Variants in GRK3 observed in about 807,000 individuals in gnomAD.
GRK3 encodes the protein G protein-coupled receptor kinase 3, also known as adrenergic, beta, receptor kinase 2.
GRK3 carries 54 observed loss-of-function variants against 95.7 expected under a neutral mutation model. The observed-to-expected ratio is 0.56, with a 90% confidence interval of 0.45 to 0.71. GRK3 has a LOEUF of 0.71. Ranked by LOEUF, GRK3 falls within the 30% of genes least tolerant of loss-of-function variation. The pLI is 0.00. For missense variants in GRK3, 649 were observed against 851.2 expected (o/e 0.76, Z 2.96); for synonymous variants, 281 against 290.8 (o/e 0.97, Z 0.34).
chr22:25,586,898 CTT>C (rs59502085), intron 1 of GRK3, among the ~76,000 whole-genome samples: 3 of 146,670 alleles, frequency 2.0e-5, no homozygotes, highest in African/African-American at 5.0e-5. Flanking sequence ...CCCTTGCAAT[CTT>C]TTTTTTTTTT....
intron 2 of GRK3, 53 bp downstream of exon 2, chr22:25,604,506 C>T (rs1275053734): frequency 1.6e-5 from 21 of 1,295,852 alleles, no homozygotes; most frequent in African/African-American, 2.9e-5. Context: ...TGAAATTGGG[C>T]GATACTATAG....
intron 6 of GRK3, among the ~76,000 whole-genome samples, chr22:25,670,879 T>TAAAAA (rs1385890004): frequency 2.9e-5 from 1 of 34,316 alleles, no homozygotes; most frequent in Non-Finnish European, 5.9e-5. Context: ...CTACTAAAAA[T>TAAAAA]ACAAAAAAAA....
intron 1 of GRK3, among the ~76,000 whole-genome samples, chr22:25,584,481 C>G (rs931192835): frequency 6.6e-6 from 1 of 152,202 alleles, no homozygotes; most frequent in African/African-American, 2.4e-5. Flanking sequence ...AGTAGCGATG[C>G]TGGCAGTTCA....
intron 1 of GRK3, among the ~76,000 whole-genome samples, chr22:25,583,814 T>C (rs1350551811): frequency 2.0e-5 from 3 of 152,232 alleles, no homozygotes; most frequent in Admixed American, 6.5e-5. Context: ...GTGGCAAAGA[T>C]TTGATTCTTC....
At chr22:25,575,731 A>C (rs1461301222) in intron 1 of GRK3, among the ~76,000 whole-genome samples, 1 of 152,202 alleles carries the variant, frequency 6.6e-6, no homozygotes, top group African/African-American at 2.4e-5. Flanking sequence ...AGCAGGTAGA[A>C]ATTTTAAAAA....
chr22:25,621,433 A>G (rs1228099620), intron 2 of GRK3, among the ~76,000 whole-genome samples: 1 of 152,210 alleles, frequency 6.6e-6, no homozygotes, highest in Non-Finnish European at 1.5e-5. Flanking sequence ...CTTTTTTTCA[A>G]GCTGCAGAAG....
chr22:25,706,914 C>T (rs1006933214), intron 15 of GRK3, among the ~76,000 whole-genome samples: 1 of 152,146 alleles, frequency 6.6e-6, no homozygotes, highest in African/African-American at 2.4e-5. Context: ...CTCCAAACTC[C>T]CGGCCCAAGT....
In GRK3 at chr22:25,727,096, AC is replaced by A. The variant is rs2085480926; in HGVS notation, c.*4649del. ...AAGAGTAACAGGCCTCTTCTGTTCT[AC>A]CCTGCTCACTTCCACGGTGAGTTAC... On this transcript the variant is annotated 3_prime_UTR_variant, in exon 21 of 21. Coordinates refer to ENST00000324198, the MANE Select transcript of GRK3 (RefSeq NM_005160.4). 6.6e-6 allele frequency: 1 copy of A among 152,096 alleles called. No homozygotes were observed. 9.4% of individuals were successfully genotyped at this position (152,096 alleles called of 1,614,324 possible).
At chr22:25,658,182 C>T (rs1400095132) in intron 3 of GRK3, among the ~76,000 whole-genome samples, 1 of 152,140 alleles carries the variant, frequency 6.6e-6, no homozygotes, top group African/African-American at 2.4e-5. Context: ...GATTGGTTTT[C>T]ATTGATGGTT....
At chr22:25,652,075 C>T (rs993325925) in intron 3 of GRK3, among the ~76,000 whole-genome samples, 1 of 151,972 alleles carries the variant, frequency 6.6e-6, no homozygotes, top group African/African-American at 2.4e-5. Flanking sequence ...CAAACAAAAA[C>T]TGAGGGATTT....
At chr22:25,636,374 A>G (rs1228972875) in intron 2 of GRK3, among the ~76,000 whole-genome samples, 2 of 152,202 alleles carry the variant, frequency 1.3e-5, no homozygotes, top group Non-Finnish European at 2.9e-5. Flanking sequence ...AGATACTCCC[A>G]TTCCAATTCA....
Position 25,704,069 on chromosome 22 carries a change from C to G in GRK3, c.1228-40C>G. The G allele has an allele frequency of 2.0e-6, 3 of 1,499,888 alleles. No individual in the cohort carries two copies. In the South Asian group the frequency reaches 3.4e-5, roughly 17 times the overall value. The allele number at this position is 1,499,888 out of a possible 1,614,324, so 92.9% of individuals were successfully genotyped here. ...CTGGTTGAGTGTTAGGATGCTGTTTCATGAACGGATTTTTGAAATCTTACT... is the reference window on the plus strand; with the variant it reads ...CTGGTTGAGTGTTAGGATGCTGTTTGATGAACGGATTTTTGAAATCTTACT... On this transcript the variant is annotated intron_variant, in intron 14 of 20. Coordinates refer to ENST00000324198, the MANE Select transcript of GRK3 (RefSeq NM_005160.4).
At position 25,649,281 on chromosome 22, in the gene GRK3, A is replaced by G. The variant is rs552137860; in HGVS notation, c.264+4616A>G. 1.6e-5 allele frequency: 15 copies of G among 914,640 alleles called. 1 individual carries two copies. Among genetic ancestry groups the G allele is most frequent in the African/African-American group, 1.5e-4 (9 of 61,228 alleles). 56.7% of individuals were successfully genotyped at this position (914,640 alleles called of 1,614,324 possible). On this transcript the variant is annotated intron_variant, in intron 3 of 20. Coordinates refer to ENST00000324198, the MANE Select transcript of GRK3 (RefSeq NM_005160.4). ...TGCTCACATCTGCCAAAATGTGAAG[A>G]ACCTGTATAGAATTTCTACAGGGAT...
In GRK3 at chr22:25,614,161, T is replaced by A. The variant is rs111487618; in HGVS notation, c.190+9708T>A. Among the ~76,000 whole-genome samples, 724 of 152,306 alleles carry A rather than the reference T, an allele frequency of 4.8e-3. 10 individuals carry two copies. The highest frequency in any genetic ancestry group is 0.016 in the African/African-American group (666 of 41,564). ...ATTTATTTTTTGAGACGGGTCTCAT[T>A]CTGTGGCCCAGGCTGGAATGCAGTG... On this transcript the variant is annotated intron_variant, in intron 2 of 20. Transcript: ENST00000324198.
At chr22:25,657,322 TTTC>T (rs1258882833) in intron 3 of GRK3, among the ~76,000 whole-genome samples, 3 of 152,244 alleles carry the variant, frequency 2.0e-5, no homozygotes, top group Admixed American at 2.0e-4. Context: ...AGAATGTCTG[TTTC>T]TTCTTTTATT....
At chr22:25,705,932 G>A (rs1466074586) in intron 15 of GRK3, among the ~76,000 whole-genome samples, 3 of 152,128 alleles carry the variant, frequency 2.0e-5, no homozygotes, top group Non-Finnish European at 2.9e-5. Flanking sequence ...GTTACCACTC[G>A]CGATGGCAGA....
At chr22:25,699,016 C>A (rs1410349514) in intron 13 of GRK3, among the ~76,000 whole-genome samples, 1 of 152,106 alleles carries the variant, frequency 6.6e-6, no homozygotes, top group Admixed American at 6.6e-5. Flanking sequence ...CTAAAATCAG[C>A]GTCTGTAAAA....
intron 20 of GRK3, among the ~76,000 whole-genome samples, chr22:25,721,669 A>G (rs1211615543): frequency 5.3e-5 from 8 of 152,202 alleles, no homozygotes; most frequent in African/African-American, 1.4e-4. Context: ...TATTTGTTCT[A>G]TAACTTTGAA....
intron 14 of GRK3, among the ~76,000 whole-genome samples, 158 bp downstream of exon 14, chr22:25,703,734 T>TA (rs2085276807): frequency 6.6e-6 from 1 of 152,164 alleles, no homozygotes; most frequent in Non-Finnish European, 1.5e-5. Flanking sequence ...TAAATGCAGA[T>TA]ACAATTTCTA....
Sources: gnomAD v4.1 joint callset for allele counts (sites outside exome capture counted in the v4.1 genomes callset) on GRCh38, gnomAD v4.1.1 for gene constraint, MANE v1.5 for transcripts, NCBI Gene and HGNC (gene_info 2026-07-23, HGNC 2026-07-21) for gene names.